CRB1: variants seen among roughly 807,000 people sequenced by gnomAD.
The protein encoded by CRB1 is protein crumbs homolog 1.
A neutral mutation model predicts 120.0 loss-of-function variants in CRB1; 83 were observed. That is an observed-to-expected ratio of 0.69 (90% CI 0.58 to 0.83). The LOEUF is 0.83. CRB1 is among the 40% of genes least tolerant of loss of function. CRB1 has a pLI of 0.00. For synonymous variants in CRB1, 625 were observed against 612.5 expected (o/e 1.02, Z -0.30); for missense variants, 1,699 against 1,687.6 (o/e 1.01, Z -0.12).
Position 197,347,476 on chromosome 1 carries a change from C to A in CRB1, c.985C>A (p.Pro329Thr), listed in dbSNP as rs1659845318. 1 of 1,613,946 alleles carries A rather than the reference C, an allele frequency of 6.2e-7. No homozygotes were observed. The highest frequency in any genetic ancestry group is 2.2e-5 in the East Asian group (1 of 44,880). ...TGACAATTACACTTGTCACTGCTGG[C>A]CTGGTGAGTGACAAAATACCTTCCA... ...SVDNYTCHCW[P>T]GYTGAQCEID... Residue 329 changes from proline to threonine, a missense_variant, in exon 4 of 12, where the codon CCT (proline) becomes ACT (threonine). Coordinates refer to ENST00000367400, the MANE Select transcript of CRB1 (RefSeq NM_201253.3).
intron 5 of CRB1, among the ~76,000 whole-genome samples, chr1:197,369,539 A>T (rs1249922863): frequency 3.3e-5 from 5 of 152,086 alleles, no homozygotes; most frequent in Non-Finnish European, 7.3e-5. Flanking sequence ...GGCAAAAAAA[A>T]CTACCCCCTT....
intron 5 of CRB1, among the ~76,000 whole-genome samples, chr1:197,371,907 C>T (rs1166830895): frequency 2.0e-5 from 3 of 152,128 alleles, no homozygotes. Context: ...AGGTAAAGAT[C>T]AGTCAGGGCC....
chr1:197,252,564 ATATATATATATATATATATGTGTGTGTG>A, the CRB1 span, among the ~76,000 whole-genome samples: 7 of 43,706 alleles, frequency 1.6e-4, 1 homozygote, highest in East Asian at 4.2e-3. Context: ...ATATATATAT[ATATATATATATATATATATGTGTGTGTG>A]TGTGTGTGTG....
At chr1:197,300,242 A>T in intron 1 of CRB1, among the ~76,000 whole-genome samples, 1 of 152,010 alleles carries the variant, frequency 6.6e-6, no homozygotes, top group East Asian at 1.9e-4. Flanking sequence ...GAACTGATTA[A>T]GCTTATGGAG....
At chr1:197,415,001 T>C (rs1663901787) in intron 5 of CRB1, among the ~76,000 whole-genome samples, 1 of 152,212 alleles carries the variant, frequency 6.6e-6, no homozygotes, top group South Asian at 2.1e-4. Context: ...CTCCTTTTTT[T>C]GTTCTTTTTA....
At chr1:197,316,207 C>T (rs998342844) in intron 1 of CRB1, among the ~76,000 whole-genome samples, 1 of 150,490 alleles carries the variant, frequency 6.6e-6, no homozygotes, top group East Asian at 1.9e-4. Context: ...TTTTTTGAGA[C>T]GGAGTCTCAC....
intron 11 of CRB1, among the ~76,000 whole-genome samples, chr1:197,458,011 A>T (rs1666360759): frequency 6.6e-6 from 1 of 152,118 alleles, no homozygotes; most frequent in African/African-American, 2.4e-5. Context: ...ACTGCATTTT[A>T]AATTTGTGAG....
At chr1:197,309,528 G>A (rs957919363) in intron 1 of CRB1, among the ~76,000 whole-genome samples, 2 of 152,144 alleles carry the variant, frequency 1.3e-5, no homozygotes, top group African/African-American at 4.8e-5. Flanking sequence ...GCCGAGGCGG[G>A]CGGATCAGGA....
At chr1:197,394,937 GT>G (rs1431188021) in intron 5 of CRB1, among the ~76,000 whole-genome samples, 2 of 152,062 alleles carry the variant, frequency 1.3e-5, no homozygotes, top group African/African-American at 4.8e-5. Context: ...GCCTCGGTTA[GT>G]TCCTAAGGCA....
At chr1:197,383,370 G>C (rs958658616) in intron 5 of CRB1, among the ~76,000 whole-genome samples, 3 of 152,198 alleles carry the variant, frequency 2.0e-5, no homozygotes, top group South Asian at 2.1e-4. Flanking sequence ...AACTGGACCC[G>C]CTACGCTCTC....
the CRB1 span, chr1:197,223,137 G>A: frequency 1.1e-6 from 1 of 884,660 alleles, no homozygotes; most frequent in Non-Finnish European, 1.9e-6. Flanking sequence ...ATGATACTTT[G>A]GATAATGATT....
chr1:197,360,193 G>A (rs1413724090), intron 5 of CRB1, among the ~76,000 whole-genome samples: 7 of 152,300 alleles, frequency 4.6e-5, no homozygotes, highest in East Asian at 3.9e-4. Context: ...GAGATAAAGC[G>A]TCCTCGCAGA....
intron 11 of CRB1, among the ~76,000 whole-genome samples, chr1:197,466,815 A>T (rs934334199): frequency 6.6e-6 from 1 of 152,222 alleles, no homozygotes; most frequent in Non-Finnish European, 1.5e-5. Flanking sequence ...AGTTGGAAAG[A>T]AGAAAGAAAT....
intron 11 of CRB1, among the ~76,000 whole-genome samples, chr1:197,452,948 C>T (rs1434300086): frequency 6.6e-6 from 1 of 152,040 alleles, no homozygotes; most frequent in Admixed American, 6.5e-5. Context: ...TTCATTTCAG[C>T]ATTATTCATA....
chr1:197,328,810 T>C lies in CRB1; in HGVS notation c.459T>C (p.Ala153=), dbSNP rs746330925. 1 of 1,614,094 alleles carries C rather than the reference T, an allele frequency of 6.2e-7. No individual in the cohort carries two copies. Among genetic ancestry groups the C allele is most frequent in the Non-Finnish European group, 8.5e-7 (1 of 1,179,970 alleles). ...GTGAGATAGATCACGATGAGTGTGC[T>C]TCCAGCCCTTGCCAAAATGGGGCCG... ...RFCEIDHDEC[A]SSPCQNGAVC... Residue 153 remains alanine, a synonymous_variant, in exon 2 of 12, where the codon GCT becomes GCC. Coordinates refer to ENST00000367400, the MANE Select transcript of CRB1 (RefSeq NM_201253.3).
chr1:197,323,769 C>T (rs577404358), intron 1 of CRB1, among the ~76,000 whole-genome samples: 60 of 152,204 alleles, frequency 3.9e-4, no homozygotes, highest in African/African-American at 1.4e-3. Flanking sequence ...GCACTTGGTC[C>T]CTTACCCTAC....
the CRB1 span, among the ~76,000 whole-genome samples, chr1:197,237,975 C>A: frequency 6.6e-6 from 1 of 152,046 alleles, no homozygotes; most frequent in Admixed American, 6.6e-5. Context: ...CTAATGAATG[C>A]ATTTAGTGCT....
chr1:197,426,783 G>T (rs902562101), intron 6 of CRB1, among the ~76,000 whole-genome samples: 1 of 152,114 alleles, frequency 6.6e-6, no homozygotes, highest in Non-Finnish European at 1.5e-5. Flanking sequence ...TCTTATGTGA[G>T]ATGTCATCCC....
intron 1 of CRB1, among the ~76,000 whole-genome samples, chr1:197,286,415 G>C (rs1451067894): frequency 6.6e-6 from 1 of 151,926 alleles, no homozygotes; most frequent in Non-Finnish European, 1.5e-5. Context: ...GTAAGTGACA[G>C]AGCTAGAACA....
Sources: gnomAD v4.1 joint callset for allele counts (sites outside exome capture counted in the v4.1 genomes callset) on GRCh38, gnomAD v4.1.1 for gene constraint, MANE v1.5 for transcripts, NCBI Gene and HGNC (gene_info 2026-07-23, HGNC 2026-07-21) for gene names.